The following LRRTM4 variants were observed in gnomAD, a reference collection of about 807,000 sequenced individuals.
LRRTM4 encodes the protein leucine-rich repeat transmembrane neuronal protein 4.
LRRTM4 carries 25 observed loss-of-function variants against 47.6 expected under a neutral mutation model. That is an observed-to-expected ratio of 0.53 (90% CI 0.38 to 0.73). The LOEUF is 0.73. Among genes scored for constraint, LRRTM4 ranks in the 30% least tolerant of loss-of-function variants. The pLI, the probability that LRRTM4 is intolerant of heterozygous loss-of-function variation, is 0.00. For missense variants in LRRTM4, 638 were observed against 713.4 expected (o/e 0.89, Z 1.20); for synonymous variants, 311 against 269.5 (o/e 1.15, Z -1.51).
At chr2:77,441,849 TA>T (rs1326883596) in intron 3 of LRRTM4, among the ~76,000 whole-genome samples, 1 of 152,182 alleles carries the variant, frequency 6.6e-6, no homozygotes, top group Non-Finnish European at 1.5e-5. Flanking sequence ...TCTTAATCAA[TA>T]AACTGTTTAA....
chr2:77,407,022 G>A (rs894093841), intron 3 of LRRTM4, among the ~76,000 whole-genome samples: 1 of 152,114 alleles, frequency 6.6e-6, no homozygotes, highest in Non-Finnish European at 1.5e-5. Context: ...TAAAGCCAAT[G>A]TTTTAAATAG....
At chr2:76,784,307 A>T (rs1674558685) in intron 3 of LRRTM4, among the ~76,000 whole-genome samples, 1 of 152,092 alleles carries the variant, frequency 6.6e-6, no homozygotes, top group Non-Finnish European at 1.5e-5. Flanking sequence ...GAAAAATATT[A>T]TGGAAAAGCA....
At chr2:77,343,026 A>C (rs1671431678) in intron 3 of LRRTM4, among the ~76,000 whole-genome samples, 1 of 152,018 alleles carries the variant, frequency 6.6e-6, no homozygotes, top group African/African-American at 2.4e-5. Context: ...GCTCTTTTGC[A>C]GTAAGACAGT....
intron 3 of LRRTM4, among the ~76,000 whole-genome samples, chr2:76,865,566 T>C (rs926871483): frequency 3.3e-5 from 5 of 152,224 alleles, no homozygotes; most frequent in Non-Finnish European, 7.3e-5. Flanking sequence ...ACATTTGTTT[T>C]TCTAGATTTT....
At chr2:77,015,957 A>G (rs2104084933) in intron 3 of LRRTM4, among the ~76,000 whole-genome samples, 1 of 152,076 alleles carries the variant, frequency 6.6e-6, no homozygotes, top group African/African-American at 2.4e-5. Flanking sequence ...TCTCTACTAA[A>G]TAATCTGTAA....
At position 76,798,364 on chromosome 2, in the gene LRRTM4, G is replaced by A. The variant is rs539633078; in HGVS notation, c.1552-49448C>T. ...CCTGAATGACTACTGGGTACATAAC[G>A]AAATGAAGGCACAAATAAGGATGTT... On this transcript the variant is annotated intron_variant, in intron 3 of 3. Transcript: ENST00000409884. Among the ~76,000 whole-genome samples, 67 of 151,940 alleles carry A rather than the reference G, an allele frequency of 4.4e-4. 1 individual carries two copies. Among genetic ancestry groups the A allele is most frequent in the South Asian group, 3.1e-3 (15 of 4,796 alleles).
intron 3 of LRRTM4, among the ~76,000 whole-genome samples, chr2:76,908,034 C>T (rs988712065): frequency 2.0e-5 from 3 of 151,476 alleles, no homozygotes; most frequent in Admixed American, 6.6e-5. Context: ...GGCAGAGACA[C>T]AGCCAAAAAA....
intron 3 of LRRTM4, among the ~76,000 whole-genome samples, chr2:77,137,277 T>C (rs1054991781): frequency 6.6e-6 from 1 of 151,936 alleles, no homozygotes; most frequent in Admixed American, 6.6e-5. Flanking sequence ...AGCAGATCTC[T>C]TGGCAGAAAC....
intron 3 of LRRTM4, among the ~76,000 whole-genome samples, chr2:76,914,164 T>C (rs1318436413): frequency 6.6e-6 from 1 of 152,010 alleles, no homozygotes; most frequent in Non-Finnish European, 1.5e-5. Context: ...TTCCGGCTTT[T>C]TATTGTTCTT....
chr2:76,832,067 TGTAAA>T (rs1671368317), intron 3 of LRRTM4, among the ~76,000 whole-genome samples: 1 of 152,128 alleles, frequency 6.6e-6, no homozygotes, highest in South Asian at 2.1e-4. Context: ...GTTTTTTCCA[TGTAAA>T]GTAATTTAAT....
At chr2:77,048,906 T>G (rs1331379322) in intron 3 of LRRTM4, among the ~76,000 whole-genome samples, 1 of 151,442 alleles carries the variant, frequency 6.6e-6, no homozygotes, top group East Asian at 1.9e-4. Flanking sequence ...AACCAACCTC[T>G]GGCTATCCCC....
chr2:76,995,210 C>A (rs2104004391), intron 3 of LRRTM4, among the ~76,000 whole-genome samples: 1 of 152,114 alleles, frequency 6.6e-6, no homozygotes, highest in South Asian at 2.1e-4. Flanking sequence ...TCCTTATTTT[C>A]ATATTTCCTA....
chr2:77,080,335 G>A (rs1311509746), intron 3 of LRRTM4, among the ~76,000 whole-genome samples: 1 of 151,940 alleles, frequency 6.6e-6, no homozygotes, highest in East Asian at 1.9e-4. Flanking sequence ...TTTGAGCACT[G>A]TCCTTGATCA....
chr2:77,367,028 A>G (rs1672485576), intron 3 of LRRTM4, among the ~76,000 whole-genome samples: 3 of 151,804 alleles, frequency 2.0e-5, no homozygotes, highest in Admixed American at 2.0e-4. Context: ...TCCCTGCCAC[A>G]TAATTCCCTT....
At chr2:77,280,954 T>G (rs1353191310) in intron 3 of LRRTM4, among the ~76,000 whole-genome samples, 1 of 151,968 alleles carries the variant, frequency 6.6e-6, no homozygotes, top group Non-Finnish European at 1.5e-5. Flanking sequence ...CCCCTGTCTG[T>G]AGTGTCTCTA....
In LRRTM4 at chr2:77,343,826, G is replaced by T. The variant is rs1221476066; in HGVS notation, c.1551+174492C>A. The stretch of plus-strand genomic sequence containing the variant: ...GAGATTGTGATATAAATATGCAGGT[G>T]GTCAGGGACAGCTTCTCTGAAGAAA... On this transcript the variant is annotated intron_variant, in intron 3 of 3. Coordinates refer to ENST00000409884, the MANE Select transcript of LRRTM4 (RefSeq NM_001134745.3). 3.3e-5 allele frequency among the ~76,000 whole-genome samples: 5 copies of T among 151,746 alleles called. No individual in the cohort carries two copies. The East Asian group carries it at 9.7e-4, about 29-fold the overall frequency.
At chr2:77,471,262 T>A (rs912819181) in intron 3 of LRRTM4, among the ~76,000 whole-genome samples, 1 of 152,146 alleles carries the variant, frequency 6.6e-6, no homozygotes, top group Non-Finnish European at 1.5e-5. Flanking sequence ...CATTTATTCC[T>A]ATACCTTATA....
At chr2:77,266,849 C>T (rs1676063956) in intron 3 of LRRTM4, among the ~76,000 whole-genome samples, 1 of 152,076 alleles carries the variant, frequency 6.6e-6, no homozygotes, top group African/African-American at 2.4e-5. Flanking sequence ...ATGCTCAACA[C>T]AGAGACCTTT....
intron 3 of LRRTM4, among the ~76,000 whole-genome samples, chr2:77,124,084 G>A (rs1671590728): frequency 6.6e-6 from 1 of 152,072 alleles, no homozygotes; most frequent in East Asian, 1.9e-4. Flanking sequence ...TCTAGTCATA[G>A]CCTTGGGGAT....
Sources: allele counts gnomAD v4.1 joint callset (sites outside exome capture counted in the v4.1 genomes callset), GRCh38; gene constraint gnomAD v4.1.1; transcripts MANE v1.5; gene names NCBI Gene and HGNC (gene_info 2026-07-23, HGNC 2026-07-21).